HPSE2: variants seen among roughly 807,000 people sequenced by gnomAD.
The protein encoded by HPSE2 is heparanase 2 (inactive).
In HPSE2, 38 loss-of-function variants were observed where a neutral mutation model predicts 60.5. The ratio of observed to expected loss-of-function variants is 0.63; its 90% confidence interval spans 0.48 to 0.82. The LOEUF is 0.82. Among genes scored for constraint, HPSE2 ranks in the 40% least tolerant of loss-of-function variants. HPSE2 has a pLI of 0.00. For synonymous variants in HPSE2, 295 were observed against 293.2 expected, an observed-to-expected ratio of 1.01 and a Z score of -0.06; for missense variants, 713 against 740.4, an observed-to-expected ratio of 0.96 and a Z score of 0.43.
chr10:98,984,979 T>C (rs1564712237), intron 3 of HPSE2, among the ~76,000 whole-genome samples: 1 of 151,988 alleles, frequency 6.6e-6, no homozygotes, highest in Non-Finnish European at 1.5e-5. Context: ...CTCCAAGAAA[T>C]ATGGGACTAT....
At position 98,459,138 on chromosome 10, in the gene HPSE2, G is replaced by T. The variant is rs17457493; in HGVS notation, c.*436C>A. The T allele has an allele frequency of 0.058, 13,867 of 240,436 alleles. 545 individuals are homozygous for T. Among genetic ancestry groups the T allele is most frequent in the East Asian group, 0.098 (1,008 of 10,244 alleles). 14.9% of individuals were successfully genotyped at this position (240,436 alleles called of 1,614,324 possible). On this transcript the variant is annotated 3_prime_UTR_variant, in exon 12 of 12. Coordinates refer to ENST00000370552, the MANE Select transcript of HPSE2 (RefSeq NM_021828.5). ...AGGAGTTGGGAGAGGATGGGTTTTT[G>T]TAGGTCCACCCAGTTTTTTTCCTTC...
chr10:99,123,867 G>A (rs1845059715), intron 3 of HPSE2, among the ~76,000 whole-genome samples: 1 of 152,104 alleles, frequency 6.6e-6, no homozygotes, highest in African/African-American at 2.4e-5. Flanking sequence ...ATATCCACAG[G>A]CAGGTCGTCC....
chr10:98,483,302 C>A (rs1157949528), intron 10 of HPSE2, among the ~76,000 whole-genome samples: 1 of 152,154 alleles, frequency 6.6e-6, no homozygotes, highest in Non-Finnish European at 1.5e-5. Context: ...TAATGAACAT[C>A]TTAAACATAT....
intron 3 of HPSE2, among the ~76,000 whole-genome samples, chr10:99,102,181 A>C (rs1844027158): frequency 6.8e-6 from 1 of 147,470 alleles, no homozygotes; most frequent in South Asian, 2.2e-4. Context: ...CAAAAAATTA[A>C]TGAATCCAGG....
intron 7 of HPSE2, among the ~76,000 whole-genome samples, chr10:98,626,263 C>T (rs1221224872): frequency 6.6e-6 from 1 of 152,154 alleles, no homozygotes; most frequent in Non-Finnish European, 1.5e-5. Context: ...GCACCTCCTA[C>T]CACCAGGAAG....
At chr10:98,749,930 C>CTA (rs771032742) in intron 3 of HPSE2, among the ~76,000 whole-genome samples, 36 of 96,978 alleles carry the variant, frequency 3.7e-4, no homozygotes, top group African/African-American at 1.1e-3. Context: ...ATATTAAACA[C>CTA]TATATATATA....
the HPSE2 span, among the ~76,000 whole-genome samples, chr10:99,289,298 C>CA: frequency 1.2e-4 from 18 of 151,480 alleles, no homozygotes; most frequent in East Asian, 2.9e-3. Context: ...TACGTGGCTG[C>CA]AAAAAATATT....
intron 3 of HPSE2, among the ~76,000 whole-genome samples, chr10:99,080,016 G>C (rs568784138): frequency 8.4e-4 from 128 of 152,126 alleles, no homozygotes; most frequent in African/African-American, 2.9e-3. Context: ...CTTGTGAAAG[G>C]GTATCCTGAA....
chr10:99,025,150 A>G lies in HPSE2; in HGVS notation c.610+119088T>C, dbSNP rs1957348783. On this transcript the variant is annotated intron_variant, in intron 3 of 11. Coordinates refer to ENST00000370552, the MANE Select transcript of HPSE2 (RefSeq NM_021828.5). ...ATAGTACAATAAGACATAAATAGAAACAACAAAAAGCTAAGAAGCAGAGAG... is the reference window on the plus strand; with the variant it reads ...ATAGTACAATAAGACATAAATAGAAGCAACAAAAAGCTAAGAAGCAGAGAG... Among the ~76,000 whole-genome samples, 4 of 152,180 alleles carry G rather than the reference A, an allele frequency of 2.6e-5. No individual in the cohort carries two copies. In the South Asian group the frequency reaches 8.3e-4, roughly 32 times the overall value.
chr10:98,489,400 A>G (rs2133675275), intron 10 of HPSE2, among the ~76,000 whole-genome samples: 1 of 152,366 alleles, frequency 6.6e-6, no homozygotes, highest in African/African-American at 2.4e-5. Flanking sequence ...CAGATCAAAA[A>G]GAGGATAACC....
chr10:98,609,448 T>C (rs904327079), intron 9 of HPSE2, among the ~76,000 whole-genome samples: 2 of 152,246 alleles, frequency 1.3e-5, no homozygotes, highest in Admixed American at 1.3e-4. Flanking sequence ...TAGGCCTTCT[T>C]TAAGATCTTA....
chr10:98,844,964 A>G (rs1952001464), intron 3 of HPSE2, among the ~76,000 whole-genome samples: 1 of 152,200 alleles, frequency 6.6e-6, no homozygotes, highest in African/African-American at 2.4e-5. Flanking sequence ...ATTTATTTCT[A>G]TTATGTGCAG....
chr10:98,834,563 A>G (rs1271363151), intron 3 of HPSE2, among the ~76,000 whole-genome samples: 1 of 152,138 alleles, frequency 6.6e-6, no homozygotes, highest in Non-Finnish European at 1.5e-5. Context: ...TGCTAACACC[A>G]TAAAAAAAAG....
At chr10:98,555,213 T>C (rs1163893273) in intron 9 of HPSE2, among the ~76,000 whole-genome samples, 1 of 152,204 alleles carries the variant, frequency 6.6e-6, no homozygotes. Context: ...ATGCATTAAA[T>C]GAATCTTGAA....
intron 3 of HPSE2, among the ~76,000 whole-genome samples, chr10:99,022,098 G>C (rs957991051): frequency 1.2e-4 from 16 of 135,312 alleles, no homozygotes; most frequent in Non-Finnish European, 2.1e-4. Context: ...GCACTGAAGA[G>C]ATAGAAAATA....
At chr10:98,635,034 T>C (rs1946461386) in intron 7 of HPSE2, among the ~76,000 whole-genome samples, 1 of 152,184 alleles carries the variant, frequency 6.6e-6, no homozygotes, top group African/African-American at 2.4e-5. Flanking sequence ...CTTATTACTG[T>C]TGCTTGCTTA....
intron 6 of HPSE2, among the ~76,000 whole-genome samples, chr10:98,681,575 G>A (rs569466309): frequency 5.9e-5 from 9 of 152,248 alleles, no homozygotes; most frequent in African/African-American, 2.2e-4. Flanking sequence ...ACTATCACTT[G>A]TTGAATTTTG....
chr10:98,868,631 C>T (rs1378034347), intron 3 of HPSE2, among the ~76,000 whole-genome samples: 1 of 152,056 alleles, frequency 6.6e-6, no homozygotes, highest in African/African-American at 2.4e-5. Context: ...TGTACACCTA[C>T]TATGTATCTA....
the HPSE2 span, among the ~76,000 whole-genome samples, chr10:99,253,830 T>C: frequency 6.6e-6 from 1 of 152,174 alleles, no homozygotes; most frequent in Non-Finnish European, 1.5e-5. Flanking sequence ...AAAGAAGATA[T>C]ACAGGCAGCC....
Sources: allele counts gnomAD v4.1 joint callset (sites outside exome capture counted in the v4.1 genomes callset), GRCh38; gene constraint gnomAD v4.1.1; transcripts MANE v1.5; gene names NCBI Gene and HGNC (gene_info 2026-07-23, HGNC 2026-07-21).